TMEM132D: variants seen among roughly 807,000 people sequenced by gnomAD.
TMEM132D encodes the protein transmembrane protein 132D.
TMEM132D carries 21 observed loss-of-function variants against 62.3 expected under a neutral mutation model. That is an observed-to-expected ratio of 0.34 (90% CI 0.24 to 0.49). The LOEUF (loss-of-function observed/expected upper bound fraction) is 0.49. Ranked by LOEUF, TMEM132D falls within the 20% of genes least tolerant of loss-of-function variation. The pLI is 0.99. For synonymous variants in TMEM132D, 621 were observed against 575.6 expected (o/e 1.08, Z -1.13); for missense variants, 1,346 against 1,402.8 (o/e 0.96, Z 0.65).
Position 129,903,417 on chromosome 12 carries a change from GC to G in TMEM132D, c.-79del. The G allele has an allele frequency of 3.4e-6, 5 of 1,457,430 alleles. No homozygotes were observed. Among genetic ancestry groups the G allele is most frequent in the Non-Finnish European group, 4.7e-6 (5 of 1,066,850 alleles). 90.3% of individuals were successfully genotyped at this position (1,457,430 alleles called of 1,614,324 possible). ...AAGAGACCGTCTCAGTCCCCTAGAG[GC>G]CCGCAGCGGGGCCGGTGGCGAGGGA... On this transcript the variant is annotated 5_prime_UTR_variant, in exon 1 of 9. Coordinates refer to ENST00000422113, the MANE Select transcript of TMEM132D (RefSeq NM_133448.3). This position sits in a 1 kb window ranked among gnomAD's most constrained non-coding sequence, Gnocchi z 6.2.
chr12:129,716,853 A>G (rs986867187), intron 1 of TMEM132D, among the ~76,000 whole-genome samples: 2 of 152,270 alleles, frequency 1.3e-5, no homozygotes, highest in African/African-American at 2.4e-5. Flanking sequence ...CAGAACCAAT[A>G]GAAAACGAAT....
chr12:129,736,304 T>G (rs58643772), intron 1 of TMEM132D, among the ~76,000 whole-genome samples: 1 of 152,202 alleles, frequency 6.6e-6, no homozygotes, highest in Non-Finnish European at 1.5e-5. Context: ...TGGTTTCACA[T>G]AAACAGAAGT....
chr12:129,286,229 C>T (rs368490779), intron 4 of TMEM132D, among the ~76,000 whole-genome samples: 3 of 152,138 alleles, frequency 2.0e-5, no homozygotes, highest in Admixed American at 6.5e-5. Flanking sequence ...AAATAGCTGA[C>T]GGCAAAGCAG....
intron 3 of TMEM132D, among the ~76,000 whole-genome samples, chr12:129,479,566 T>C (rs368463353): frequency 1.6e-4 from 25 of 152,324 alleles, no homozygotes; most frequent in African/African-American, 5.3e-4. Flanking sequence ...CCTGTCCTCA[T>C]GGTGATTACA....
intron 1 of TMEM132D, among the ~76,000 whole-genome samples, chr12:129,720,934 TG>T (rs1868800731): frequency 1.3e-5 from 2 of 152,220 alleles, no homozygotes; most frequent in South Asian, 4.1e-4. Context: ...TTCTACACCA[TG>T]GGCACTGCCC....
intron 1 of TMEM132D, among the ~76,000 whole-genome samples, chr12:129,789,576 T>A (rs1056342410): frequency 6.6e-6 from 1 of 152,160 alleles, no homozygotes; most frequent in African/African-American, 2.4e-5. Flanking sequence ...ACAATTTCGA[T>A]TTGTATGCTT....
At chr12:129,825,366 C>T (rs1872635994) in intron 1 of TMEM132D, among the ~76,000 whole-genome samples, 1 of 152,254 alleles carries the variant, frequency 6.6e-6, no homozygotes, top group African/African-American at 2.4e-5. Flanking sequence ...GCTTCAGGCT[C>T]AAGCTCCTCT....
At chr12:129,604,274 C>T (rs762319778) in intron 2 of TMEM132D, among the ~76,000 whole-genome samples, 17 of 152,198 alleles carry the variant, frequency 1.1e-4, no homozygotes, top group Non-Finnish European at 2.1e-4. Flanking sequence ...CCATGGCAGA[C>T]GTATACCTGT....
intron 4 of TMEM132D, among the ~76,000 whole-genome samples, chr12:129,312,537 G>A (rs541217544): frequency 6.6e-6 from 1 of 152,242 alleles, no homozygotes; most frequent in East Asian, 1.9e-4. Context: ...TGTATATTAA[G>A]AATTTTTTAG....
chr12:129,204,488 A>G (rs1450098009), intron 5 of TMEM132D, among the ~76,000 whole-genome samples: 2 of 152,180 alleles, frequency 1.3e-5, no homozygotes, highest in African/African-American at 4.8e-5. Flanking sequence ...GAAAATGAAG[A>G]AGAACAAACA....
chr12:129,815,354 T>C (rs992405943), intron 1 of TMEM132D, among the ~76,000 whole-genome samples: 16 of 152,206 alleles, frequency 1.1e-4, no homozygotes, highest in African/African-American at 3.9e-4. Flanking sequence ...AGAGACTCAT[T>C]AAGCAACATA....
chr12:129,850,963 G>A (rs1338246297), intron 1 of TMEM132D, among the ~76,000 whole-genome samples: 1 of 152,216 alleles, frequency 6.6e-6, no homozygotes, highest in Non-Finnish European at 1.5e-5. Flanking sequence ...CCACCAGGAT[G>A]AACATCCAGT....
At chr12:129,112,490 C>T (rs1039867928) in intron 5 of TMEM132D, among the ~76,000 whole-genome samples, 26 of 152,142 alleles carry the variant, frequency 1.7e-4, no homozygotes, top group African/African-American at 1.2e-4. Flanking sequence ...GGAGAAACCC[C>T]GTCTCTACTA....
At chr12:129,619,079 A>G (rs746954900) in intron 2 of TMEM132D, among the ~76,000 whole-genome samples, 4 of 152,224 alleles carry the variant, frequency 2.6e-5, no homozygotes, top group Admixed American at 6.5e-5. Flanking sequence ...AGCAGGCTTT[A>G]GAGAGAATCG....
intron 1 of TMEM132D, among the ~76,000 whole-genome samples, chr12:129,738,915 G>C (rs1471872231): frequency 6.6e-6 from 1 of 152,186 alleles, no homozygotes; most frequent in South Asian, 2.1e-4. Flanking sequence ...GATCCAGAAG[G>C]AGTATAATGA....
In TMEM132D at chr12:129,462,870, C is replaced by T. The variant is rs568443982; in HGVS notation, c.1115+68189G>A. ...CAAGTAATAAGACTTGTCTTCCATA[C>T]GCAGGCCAGTCTCGTGTCTCCCACT... On this transcript the variant is annotated intron_variant, in intron 3 of 8. Transcript: ENST00000422113. 2.2e-4 allele frequency among the ~76,000 whole-genome samples: 33 copies of T among 152,266 alleles called. No individual in the cohort carries two copies. The Middle Eastern group carries it at 0.01, about 47-fold the overall frequency.
intron 4 of TMEM132D, among the ~76,000 whole-genome samples, chr12:129,276,238 C>A (rs182239232): frequency 6.6e-6 from 1 of 152,148 alleles, no homozygotes; most frequent in Non-Finnish European, 1.5e-5. Context: ...AATTTCTCTT[C>A]GTATTATTAC....
At chr12:129,313,393 C>T (rs1882028429) in intron 4 of TMEM132D, among the ~76,000 whole-genome samples, 1 of 152,068 alleles carries the variant, frequency 6.6e-6, no homozygotes, top group African/African-American at 2.4e-5. Context: ...GCTTAGCTCC[C>T]ACATATCAGT....
chr12:129,391,605 T>C (rs1467057059), intron 3 of TMEM132D, among the ~76,000 whole-genome samples: 1 of 152,204 alleles, frequency 6.6e-6, no homozygotes, highest in East Asian at 1.9e-4. Context: ...TCATTTGTTA[T>C]ACCCCAGTCC....
Sources: gnomAD v4.1 joint callset for allele counts (sites outside exome capture counted in the v4.1 genomes callset) on GRCh38, gnomAD v4.1.1 for gene constraint, Gnocchi (gnomAD v3.1) non-coding constraint, MANE v1.5 for transcripts, NCBI Gene and HGNC (gene_info 2026-07-23, HGNC 2026-07-21) for gene names.